Variants in DACH2 observed in about 807,000 individuals in gnomAD.
The protein encoded by DACH2 is dachshund family transcription factor 2.
In DACH2, 17 loss-of-function variants were observed where a neutral mutation model predicts 35.8. That is an observed-to-expected ratio of 0.48 (90% CI 0.33 to 0.71). The LOEUF is 0.71. Among genes scored for constraint, DACH2 ranks in the 30% least tolerant of loss-of-function variants. The probability of loss-of-function intolerance (pLI) is 0.02; values close to 1 mark genes in which losing one functional copy is unlikely to be tolerated. For synonymous variants in DACH2, 195 were observed against 177.3 expected (o/e 1.10, Z -0.79); for missense variants, 469 against 472.7 (o/e 0.99, Z 0.07).
chrX:86,780,494 A>G (rs1434091362), intron 7 of DACH2, among the ~76,000 whole-genome samples: 1 of 112,155 alleles, frequency 8.9e-6, no homozygotes, highest in African/African-American at 3.2e-5. Flanking sequence ...AAGGAACCAG[A>G]CAGATCTCTT....
At chrX:86,439,935 C>CT (rs1292375732) in intron 2 of DACH2, among the ~76,000 whole-genome samples, 2 of 111,413 alleles carry the variant, frequency 1.8e-5, no homozygotes, top group East Asian at 5.6e-4. Context: ...TTCTAGCTAT[C>CT]TTTATGTTAC....
intron 3 of DACH2, among the ~76,000 whole-genome samples, chrX:86,522,436 T>G (rs1369153834): frequency 1.8e-5 from 2 of 111,734 alleles, no homozygotes; most frequent in Non-Finnish European, 3.8e-5. Context: ...AGATATTCAT[T>G]TAGATATTAT....
chrX:86,396,827 C>T (rs1407917151), intron 2 of DACH2, among the ~76,000 whole-genome samples: 2 of 110,619 alleles, frequency 1.8e-5, no homozygotes, highest in South Asian at 3.8e-4. Flanking sequence ...TAGTGTGATG[C>T]CTCCAGCTTT....
intron 1 of DACH2, among the ~76,000 whole-genome samples, chrX:86,233,790 CA>C (rs200048091): frequency 0.014 from 1,571 of 111,747 alleles, 25 homozygotes; most frequent in African/African-American, 0.049. Flanking sequence ...ATGGTGGCAA[CA>C]AGAGAAAATG....
intron 4 of DACH2, among the ~76,000 whole-genome samples, chrX:86,673,482 T>C (rs1156893450): frequency 9.0e-6 from 1 of 111,373 alleles, no homozygotes; most frequent in Non-Finnish European, 1.9e-5. Context: ...GGTGTATTTA[T>C]CCAATGCCTG....
chrX:86,371,747 A>T (rs1046795968), intron 1 of DACH2, among the ~76,000 whole-genome samples: 1 of 111,176 alleles, frequency 9.0e-6, no homozygotes, highest in African/African-American at 3.3e-5. Context: ...GACCTTTAAA[A>T]GTTCCAACAG....
chrX:86,583,599 GT>G (rs1017574736), intron 3 of DACH2, among the ~76,000 whole-genome samples: 21 of 104,394 alleles, frequency 2.0e-4, no homozygotes, highest in East Asian at 8.9e-4. Flanking sequence ...CATGTGCACT[GT>G]TTTTTTTTAA....
At chrX:86,502,702 C>T (rs1602587644) in intron 2 of DACH2, among the ~76,000 whole-genome samples, 1 of 111,571 alleles carries the variant, frequency 9.0e-6, no homozygotes, top group Non-Finnish European at 1.9e-5. Flanking sequence ...AATAGCATTC[C>T]CTCAAAGCAG....
intron 3 of DACH2, among the ~76,000 whole-genome samples, chrX:86,646,179 A>C (rs1002007583): frequency 4.5e-5 from 5 of 111,705 alleles, no homozygotes; most frequent in Non-Finnish European, 5.7e-5. Context: ...TTTAAGTGCA[A>C]CAAGTCAGAA....
chrX:86,759,735 A>T (rs1396323124), intron 7 of DACH2, among the ~76,000 whole-genome samples: 1 of 110,862 alleles, frequency 9.0e-6, no homozygotes. Flanking sequence ...TACAGATATC[A>T]TTGTGATTTG....
intron 1 of DACH2, among the ~76,000 whole-genome samples, chrX:86,277,225 T>C (rs1301500318): frequency 1.8e-5 from 2 of 111,678 alleles, no homozygotes; most frequent in Non-Finnish European, 3.8e-5. Flanking sequence ...TTATAGTTTT[T>C]ATTATAGAGA....
chrX:86,489,359 C>T (rs1001330159), intron 2 of DACH2, among the ~76,000 whole-genome samples: 21 of 109,923 alleles, frequency 1.9e-4, no homozygotes, highest in African/African-American at 6.9e-4. Flanking sequence ...TTTAATAAAA[C>T]CTCAGGCATA....
intron 4 of DACH2, among the ~76,000 whole-genome samples, chrX:86,672,496 C>T (rs1158267288): frequency 9.0e-5 from 10 of 111,384 alleles, no homozygotes; most frequent in East Asian, 2.8e-4. Flanking sequence ...AACCTCAGGA[C>T]GCTGCTCCCT....
chrX:86,209,240 C>A (rs1013613710), intron 1 of DACH2, among the ~76,000 whole-genome samples: 5 of 111,460 alleles, frequency 4.5e-5, no homozygotes, highest in African/African-American at 1.6e-4. Flanking sequence ...ACAATCAAGA[C>A]TGGCAAAGAG....
chrX:86,335,269 T>C (rs1273659724), intron 1 of DACH2, among the ~76,000 whole-genome samples: 1 of 111,952 alleles, frequency 8.9e-6, no homozygotes, highest in Non-Finnish European at 1.9e-5. Context: ...TTAAAGTATT[T>C]TTTTTTCTAA....
chrX:86,794,865 T>C (rs1428501844), intron 7 of DACH2, among the ~76,000 whole-genome samples: 2 of 111,641 alleles, frequency 1.8e-5, no homozygotes, highest in Admixed American at 1.9e-4. Context: ...TAGGTAAGGT[T>C]AGATGGTTAC....
intron 3 of DACH2, among the ~76,000 whole-genome samples, chrX:86,535,385 C>G (rs758411969): frequency 6.3e-5 from 7 of 111,446 alleles, no homozygotes; most frequent in Non-Finnish European, 1.1e-4. Flanking sequence ...ATTCTAAGCC[C>G]CCCAGCCAAT....
At chrX:86,188,362 G>C (rs958948563) in intron 1 of DACH2, among the ~76,000 whole-genome samples, 2 of 111,718 alleles carry the variant, frequency 1.8e-5, no homozygotes, top group Admixed American at 1.9e-4. Flanking sequence ...TACAGGCAAG[G>C]AGGTGTTCTC....
intron 3 of DACH2, among the ~76,000 whole-genome samples, chrX:86,594,596 G>A (rs1445771819): frequency 1.8e-5 from 2 of 110,920 alleles, no homozygotes; most frequent in Non-Finnish European, 3.8e-5. Context: ...ATGTAGAAAT[G>A]TGCTGTTTAA....
Sources: allele counts gnomAD v4.1 joint callset (sites outside exome capture counted in the v4.1 genomes callset), GRCh38; gene constraint gnomAD v4.1.1; transcripts MANE v1.5; gene names NCBI Gene and HGNC (gene_info 2026-07-23, HGNC 2026-07-21).